The following STPG2 variants were observed in gnomAD, a reference collection of about 807,000 sequenced individuals.
The protein encoded by STPG2 is sperm tail PG-rich repeat containing 2.
STPG2 carries 56 observed loss-of-function variants against 54.2 expected under a neutral mutation model. The ratio of observed to expected loss-of-function variants is 1.03; its 90% CI spans 0.83 to 1.29. STPG2 has a LOEUF of 1.29. Among genes scored for constraint, STPG2 ranks in the 50% most tolerant of loss-of-function variants. STPG2 has a pLI of 0.00. For missense variants in STPG2, 596 were observed against 544.9 expected (o/e 1.09, Z -0.93); for synonymous variants, 200 against 181.8 (o/e 1.10, Z -0.81).
At chr4:97,674,748 T>C (rs963169724) in intron 10 of STPG2, among the ~76,000 whole-genome samples, 1 of 152,180 alleles carries the variant, frequency 6.6e-6, no homozygotes, top group African/African-American at 2.4e-5. Flanking sequence ...CAAGTATTCA[T>C]TATTCATATT....
At position 97,795,580 on chromosome 4, in the gene STPG2, T is replaced by G. The variant is rs183724330; in HGVS notation, c.1204+45193A>C. On this transcript the variant is annotated intron_variant, in intron 9 of 10. Coordinates refer to ENST00000295268, the MANE Select transcript of STPG2 (RefSeq NM_174952.3). Reference sequence around the variant, plus strand: ...ATGGTGTATCTGTGCCACATTTTCTTAATCCAGTCTATCATACATTGATGG... The same window carrying G: ...ATGGTGTATCTGTGCCACATTTTCTGAATCCAGTCTATCATACATTGATGG... 3.4e-3 allele frequency among the ~76,000 whole-genome samples: 523 copies of G among 152,358 alleles called. 2 individuals carry two copies. The highest frequency in any genetic ancestry group is 5.7e-3 in the Non-Finnish European group (389 of 68,028).
intron 4 of STPG2, among the ~76,000 whole-genome samples, chr4:97,449,426 A>G (rs1729310585): frequency 6.6e-6 from 1 of 152,194 alleles, no homozygotes; most frequent in Admixed American, 6.5e-5. Flanking sequence ...CAACATATCA[A>G]TGAAAACATC....
chr4:97,966,431 C>T (rs1051834138), intron 7 of STPG2, among the ~76,000 whole-genome samples: 2 of 152,148 alleles, frequency 1.3e-5, no homozygotes, highest in African/African-American at 4.8e-5. Context: ...GAGAATGGAA[C>T]CAAGCTGGAA....
intron 9 of STPG2, among the ~76,000 whole-genome samples, chr4:97,836,758 T>C (rs1420176429): frequency 6.6e-6 from 1 of 151,472 alleles, no homozygotes; most frequent in Non-Finnish European, 1.5e-5. Context: ...AAATGTCTTA[T>C]ACTTGAAATG....
At chr4:97,884,089 A>T (rs932798943) in intron 8 of STPG2, among the ~76,000 whole-genome samples, 1 of 152,094 alleles carries the variant, frequency 6.6e-6, no homozygotes, top group Non-Finnish European at 1.5e-5. Flanking sequence ...GTCCAGGCCC[A>T]ATAAACTCAT....
chr4:97,510,306 T>C (rs1056159109), intron 4 of STPG2, among the ~76,000 whole-genome samples: 1 of 152,132 alleles, frequency 6.6e-6, no homozygotes, highest in African/African-American at 2.4e-5. Context: ...AAAGTGTTTA[T>C]AGCAAATCAT....
At chr4:97,731,784 T>TC (rs1340673039) in intron 9 of STPG2, among the ~76,000 whole-genome samples, 5 of 152,170 alleles carry the variant, frequency 3.3e-5, no homozygotes, top group Non-Finnish European at 5.9e-5. Context: ...GGGGGCTCCT[T>TC]CCCCACTTAA....
At chr4:98,021,678 T>A (rs2149291690) in intron 5 of STPG2, among the ~76,000 whole-genome samples, 1 of 152,120 alleles carries the variant, frequency 6.6e-6, no homozygotes, top group Non-Finnish European at 1.5e-5. Flanking sequence ...CACTCAGGAC[T>A]TGCTTTATGA....
chr4:97,892,089 A>T (rs188302313), intron 8 of STPG2, among the ~76,000 whole-genome samples: 6 of 152,220 alleles, frequency 3.9e-5, no homozygotes, highest in Non-Finnish European at 7.4e-5. Context: ...TTCTCTACCA[A>T]CGTACTTATC....
At position 97,868,750 on chromosome 4, in the gene STPG2, C is replaced by A. The variant is rs577808984; in HGVS notation, c.1045-27818G>T. Among the ~76,000 whole-genome samples the A allele has an allele frequency of 2.0e-5, 3 of 151,928 alleles. No individual in the cohort carries two copies. In the East Asian group the frequency reaches 5.8e-4, roughly 29 times the overall value. On this transcript the variant is annotated intron_variant, in intron 8 of 10. Coordinates refer to ENST00000295268, the MANE Select transcript of STPG2 (RefSeq NM_174952.3). ...AGCTGTTAGAATGTATATCTGAGAT[C>A]TGTAAATCTCCTACTCCCTCCAAAC...
chr4:97,502,159 A>G (rs1351837015), intron 4 of STPG2, among the ~76,000 whole-genome samples: 1 of 152,056 alleles, frequency 6.6e-6, no homozygotes, highest in African/African-American at 2.4e-5. Context: ...AAGGAATATA[A>G]TAAAGTAATA....
intron 10 of STPG2, among the ~76,000 whole-genome samples, chr4:97,680,919 C>T (rs115046305): frequency 0.013 from 1,932 of 151,972 alleles, 33 homozygotes; most frequent in African/African-American, 0.044. Flanking sequence ...AAGGAAGAAA[C>T]AACTAAAATA....
At chr4:97,908,618 A>G (rs1268942943) in intron 8 of STPG2, among the ~76,000 whole-genome samples, 2 of 152,094 alleles carry the variant, frequency 1.3e-5, no homozygotes, top group South Asian at 2.1e-4. Flanking sequence ...ACCAACCCAA[A>G]TGTCCAACAA....
At chr4:98,085,222 T>C (rs1290165391) in intron 5 of STPG2, among the ~76,000 whole-genome samples, 1 of 152,108 alleles carries the variant, frequency 6.6e-6, no homozygotes, top group South Asian at 2.1e-4. Context: ...ATTATTTTGG[T>C]ACCTTTGTCA....
chr4:97,518,175 A>G (rs1731113235), intron 4 of STPG2, among the ~76,000 whole-genome samples: 2 of 152,128 alleles, frequency 1.3e-5, no homozygotes, highest in Non-Finnish European at 2.9e-5. Context: ...CTCTAGTTCT[A>G]TTACAATAAT....
At chr4:97,479,792 A>G (rs1323270616) in intron 4 of STPG2, among the ~76,000 whole-genome samples, 1 of 151,890 alleles carries the variant, frequency 6.6e-6, no homozygotes, top group African/African-American at 2.4e-5. Flanking sequence ...AAAATATATG[A>G]AACAATTGTC....
chr4:98,047,026 G>T (rs1737150386), intron 5 of STPG2, among the ~76,000 whole-genome samples: 1 of 151,320 alleles, frequency 6.6e-6, no homozygotes, highest in African/African-American at 2.4e-5. Context: ...CATTAGGTGT[G>T]TAGTCAAACC....
chr4:97,681,749 G>C (rs1723041714), intron 10 of STPG2, among the ~76,000 whole-genome samples: 1 of 151,656 alleles, frequency 6.6e-6, no homozygotes, highest in African/African-American at 2.4e-5. Context: ...TTCTAGGTGT[G>C]GCAGAGTTGC....
chr4:97,801,358 G>A (rs1435466209), intron 9 of STPG2, among the ~76,000 whole-genome samples: 2 of 152,056 alleles, frequency 1.3e-5, no homozygotes, highest in African/African-American at 4.8e-5. Flanking sequence ...CATCCACCCA[G>A]CTTAAGAAAA....
Sources: gnomAD v4.1 joint callset for allele counts (sites outside exome capture counted in the v4.1 genomes callset) on GRCh38, gnomAD v4.1.1 for gene constraint, MANE v1.5 for transcripts, NCBI Gene and HGNC (gene_info 2026-07-23, HGNC 2026-07-21) for gene names.